ST18: variants seen among roughly 807,000 people sequenced by gnomAD.
ST18 encodes the protein suppression of tumorigenicity 18 protein.
ST18 carries 50 observed loss-of-function variants against 110.0 expected under a neutral mutation model. The ratio of observed to expected loss-of-function variants is 0.45; its 90% confidence interval spans 0.36 to 0.58. ST18 has a LOEUF of 0.58. Among genes scored for constraint, ST18 ranks in the 20% least tolerant of loss-of-function variants. The pLI, the probability that ST18 is intolerant of heterozygous loss-of-function variation, is 0.00. For synonymous variants in ST18, 461 were observed against 452.4 expected (o/e 1.02, Z -0.24); for missense variants, 1,306 against 1,280.1 (o/e 1.02, Z -0.31).
chr8:52,144,466 G>A (rs756054671), intron 16 of ST18, among the ~76,000 whole-genome samples: 8 of 151,860 alleles, frequency 5.3e-5, no homozygotes, highest in Non-Finnish European at 1.0e-4. Context: ...TCTAAATGCC[G>A]ATCTCAGTCA....
Position 52,143,144 on chromosome 8 carries a change from G to T in ST18, c.2053-99C>A, listed in dbSNP as rs1291800938. The stretch of plus-strand genomic sequence containing the variant: ...TCATTGAAGCCAGGTTTGAGTTTTG[G>T]CTTTGGACTTGGACTTGGCTGAAAT... On this transcript the variant is annotated intron_variant, in intron 16 of 25. Transcript: ENST00000689386. The T allele has an allele frequency of 3.9e-5, 30 of 764,500 alleles. No homozygotes were observed. The Admixed American group carries it at 7.3e-4, about 19-fold the overall frequency. 47.4% of individuals were successfully genotyped at this position (764,500 alleles called of 1,614,324 possible).
chr8:52,293,441 T>G (rs1321541009), intron 2 of ST18, among the ~76,000 whole-genome samples: 5 of 152,222 alleles, frequency 3.3e-5, no homozygotes, highest in African/African-American at 1.2e-4. Flanking sequence ...AAGTGCGTTT[T>G]TTCCTATCCG....
chr8:52,253,284 T>C (rs558729924), intron 2 of ST18, among the ~76,000 whole-genome samples: 1 of 152,240 alleles, frequency 6.6e-6, no homozygotes, highest in East Asian at 1.9e-4. Flanking sequence ...AGGCAAAGTA[T>C]TGTTTATCAA....
intron 8 of ST18, among the ~76,000 whole-genome samples, chr8:52,207,968 A>G (rs1422781183): frequency 6.6e-6 from 1 of 152,214 alleles, no homozygotes; most frequent in East Asian, 1.9e-4. Flanking sequence ...ATTTAGAAAG[A>G]CACAGGTGAG....
In ST18 at chr8:52,315,518, T is replaced by C. The variant is rs988420785; in HGVS notation, c.-464-85441A>G. 3.3e-5 allele frequency among the ~76,000 whole-genome samples: 5 copies of C among 152,238 alleles called. No individual in the cohort carries two copies. In the South Asian group the frequency reaches 1.0e-3, roughly 31 times the overall value. ...CTTAACCTGTTGGCTTGTTGTTTTTTCATCTATAGTACTTATTATCTTCTG... is the reference window on the plus strand; with the variant it reads ...CTTAACCTGTTGGCTTGTTGTTTTTCCATCTATAGTACTTATTATCTTCTG... On this transcript the variant is annotated intron_variant, in intron 2 of 25. Coordinates refer to ENST00000689386, the MANE Select transcript of ST18 (RefSeq NM_001352837.2).
intron 2 of ST18, among the ~76,000 whole-genome samples, chr8:52,361,105 T>C (rs1220012198): frequency 6.6e-6 from 1 of 152,222 alleles, no homozygotes; most frequent in Non-Finnish European, 1.5e-5. Flanking sequence ...GGTCCTGGTC[T>C]CAAAATATTT....
chr8:52,332,153 TTA>T (rs1204329687), intron 2 of ST18, among the ~76,000 whole-genome samples: 1 of 152,130 alleles, frequency 6.6e-6, no homozygotes, highest in Non-Finnish European at 1.5e-5. Context: ...TTGTTACCAG[TTA>T]TATATTAAAT....
chr8:52,362,465 CTT>C (rs1438296923), intron 2 of ST18, among the ~76,000 whole-genome samples: 1 of 152,182 alleles, frequency 6.6e-6, no homozygotes, highest in African/African-American at 2.4e-5. Context: ...TTTATCTTCT[CTT>C]TGCCTAGATT....
intron 9 of ST18, among the ~76,000 whole-genome samples, chr8:52,179,134 T>C (rs7840621): frequency 0.18 from 26,932 of 152,130 alleles, 5,580 homozygotes; most frequent in African/African-American, 0.5. Context: ...AGAATATACA[T>C]CTAGTTTCAT....
chr8:52,127,057 T>C (rs2047376085), intron 22 of ST18, among the ~76,000 whole-genome samples: 2 of 152,194 alleles, frequency 1.3e-5, no homozygotes, highest in Non-Finnish European at 2.9e-5. Context: ...ATTTAAAGTC[T>C]TTTTTTCTGC....
intron 2 of ST18, among the ~76,000 whole-genome samples, chr8:52,387,196 C>T (rs1401817768): frequency 1.3e-5 from 2 of 152,038 alleles, no homozygotes; most frequent in Admixed American, 1.3e-4. Flanking sequence ...CTGAGAAAGT[C>T]CAGAGATTTT....
chr8:52,153,774 C>T (rs140317326), intron 15 of ST18, among the ~76,000 whole-genome samples: 18 of 152,300 alleles, frequency 1.2e-4, no homozygotes, highest in African/African-American at 3.6e-4. Context: ...TCTGTTTCAA[C>T]AGTTATAGTT....
intron 2 of ST18, among the ~76,000 whole-genome samples, chr8:52,265,353 T>G (rs1589434133): frequency 7.3e-6 from 1 of 136,686 alleles, no homozygotes; most frequent in African/African-American, 3.7e-5. Context: ...TTGGATTTAC[T>G]GTAAGTGTGA....
intron 2 of ST18, chr8:52,404,283 T>C (rs1435154996): frequency 6.6e-6 from 1 of 152,196 alleles, no homozygotes; most frequent in Non-Finnish European, 1.5e-5. Flanking sequence ...AAAGGGCTTT[T>C]GAGAGAATTA....
chr8:52,274,297 G>C (rs892038627), intron 2 of ST18, among the ~76,000 whole-genome samples: 1 of 151,958 alleles, frequency 6.6e-6, no homozygotes. Flanking sequence ...ATCAAAAAAG[G>C]TTAACATAAA....
chr8:52,125,659 TA>T (rs1222973548), intron 23 of ST18, among the ~76,000 whole-genome samples: 32 of 129,934 alleles, frequency 2.5e-4, no homozygotes, highest in Non-Finnish European at 3.1e-5. Context: ...ACTGGGCTAA[TA>T]TTTTTTTTTT....
At chr8:52,126,826 T>C (rs574026482) in intron 22 of ST18, among the ~76,000 whole-genome samples, 1 of 152,338 alleles carries the variant, frequency 6.6e-6, no homozygotes, top group East Asian at 1.9e-4. Flanking sequence ...AACCCTTCCA[T>C]TTAGTAGTGG....
At chr8:52,281,162 G>A (rs969342008) in intron 2 of ST18, among the ~76,000 whole-genome samples, 3 of 152,018 alleles carry the variant, frequency 2.0e-5, no homozygotes, top group African/African-American at 7.2e-5. Context: ...ATGAGATATA[G>A]GAAATGTTCT....
intron 2 of ST18, among the ~76,000 whole-genome samples, chr8:52,322,536 T>A (rs746670341): frequency 1.3e-5 from 2 of 152,076 alleles, no homozygotes; most frequent in Non-Finnish European, 2.9e-5. Flanking sequence ...TTATACATAA[T>A]GTGGTTATTT....
Sources: allele counts gnomAD v4.1 joint callset (sites outside exome capture counted in the v4.1 genomes callset), GRCh38; gene constraint gnomAD v4.1.1; transcripts MANE v1.5; gene names NCBI Gene and HGNC (gene_info 2026-07-23, HGNC 2026-07-21).